Variants in DOCK9 observed in about 807,000 individuals in gnomAD.
The protein encoded by DOCK9 is dedicator of cytokinesis protein 9.
A neutral mutation model predicts 263.3 loss-of-function variants in DOCK9; 89 were observed. The observed-to-expected ratio is 0.34, with a 90% CI of 0.28 to 0.40. The LOEUF (loss-of-function observed/expected upper bound fraction) is 0.40. Among genes scored for constraint, DOCK9 ranks in the 10% least tolerant of loss-of-function variants. DOCK9 has a pLI of 1.00. For missense variants in DOCK9, 2,140 were observed against 2,603.4 expected (o/e 0.82, Z 3.87); for synonymous variants, 976 against 973.1 (o/e 1.00, Z -0.06).
chr13:98,877,660 C>T (rs1019888982), intron 27 of DOCK9, among the ~76,000 whole-genome samples: 20 of 152,304 alleles, frequency 1.3e-4, no homozygotes, highest in African/African-American at 4.8e-4. Flanking sequence ...CCAGATTCCC[C>T]ACACTACTGA....
intron 1 of DOCK9, among the ~76,000 whole-genome samples, chr13:99,002,938 G>T (rs1402539558): frequency 6.8e-6 from 1 of 147,452 alleles, no homozygotes; most frequent in African/African-American, 2.5e-5. Context: ...TCAGGGGGTT[G>T]TCATAAGGAT....
rs143836900 is a variant in DOCK9, at chr13:98,944,519, G to A, written c.243+10916C>T. On this transcript the variant is annotated intron_variant, in intron 2 of 52. Coordinates refer to ENST00000682017, the MANE Select transcript of DOCK9 (RefSeq NM_001366683.2). ...TAACTGTTTCAGCAGGAGGCATCATGGTTCCGCTGAGTTCTCTGGCTCCTG... is the reference window on the plus strand; with the variant it reads ...TAACTGTTTCAGCAGGAGGCATCATAGTTCCGCTGAGTTCTCTGGCTCCTG... Among the ~76,000 whole-genome samples, 120 of 152,240 alleles carry A rather than the reference G, an allele frequency of 7.9e-4. 1 individual carries two copies. The highest frequency in any genetic ancestry group is 2.8e-3 in the African/African-American group (115 of 41,536).
intron 1 of DOCK9, among the ~76,000 whole-genome samples, chr13:99,026,185 G>A (rs76086124): frequency 0.03 from 4,609 of 152,030 alleles, 94 homozygotes; most frequent in East Asian, 0.11. Flanking sequence ...AAGTAATAAA[G>A]ATGTTCTAAA....
At chr13:98,975,298 G>T (rs1340467191) in intron 1 of DOCK9, among the ~76,000 whole-genome samples, 26 of 151,622 alleles carry the variant, frequency 1.7e-4, no homozygotes, top group African/African-American at 5.6e-4. Flanking sequence ...GGAGACGGAG[G>T]TTGCAGTGGG....
intron 20 of DOCK9, 199 bp downstream of exon 20, chr13:98,885,509 G>A (rs2045552843): frequency 1.9e-6 from 1 of 523,180 alleles, no homozygotes; most frequent in Non-Finnish European, 3.2e-6. Context: ...GGAGGCTGAG[G>A]TGGAAGGACA....
intron 15 of DOCK9, among the ~76,000 whole-genome samples, chr13:98,889,495 A>T (rs2046299667): frequency 6.6e-6 from 1 of 152,226 alleles, no homozygotes; most frequent in Non-Finnish European, 1.5e-5. Context: ...AAGCTCACTG[A>T]AATTGTTGTA....
chr13:98,860,536 G>A lies in DOCK9; in HGVS notation c.3580-14C>T. 1 of 1,547,134 alleles carries A rather than the reference G, an allele frequency of 6.5e-7. No individual in the cohort carries two copies. Among genetic ancestry groups the A allele is most frequent in the East Asian group, 2.4e-5 (1 of 41,412 alleles). On this transcript the variant is annotated splice_polypyrimidine_tract_variant and intron_variant, in intron 32 of 52. Coordinates refer to ENST00000682017, the MANE Select transcript of DOCK9 (RefSeq NM_001366683.2). Reference sequence around the variant, plus strand: ...ATCCTTCACAGTCTGTCAAGGAGAGGAAAGCAGAAACAATCAAAGATGACT... The same window carrying A: ...ATCCTTCACAGTCTGTCAAGGAGAGAAAAGCAGAAACAATCAAAGATGACT...
intron 1 of DOCK9, among the ~76,000 whole-genome samples, chr13:98,992,982 T>C (rs557269049): frequency 6.6e-6 from 1 of 152,200 alleles, no homozygotes; most frequent in East Asian, 1.9e-4. Context: ...CATGGTGTGT[T>C]TGGGAAACAG....
chr13:98,968,585 A>C (rs2059424784), intron 1 of DOCK9, among the ~76,000 whole-genome samples: 1 of 152,212 alleles, frequency 6.6e-6, no homozygotes, highest in African/African-American at 2.4e-5. Context: ...ACTCCACTGC[A>C]CTGCAGCCTG....
At chr13:98,851,338 T>A (rs767496341) in intron 35 of DOCK9, among the ~76,000 whole-genome samples, 58 of 152,166 alleles carry the variant, frequency 3.8e-4, no homozygotes, top group African/African-American at 5.8e-4. Context: ...TGGGCTTCCA[T>A]CTTTAGGGGT....
chr13:98,888,130 G>C (rs528069047), intron 18 of DOCK9, 28 bp downstream of exon 18: 2 of 1,495,486 alleles, frequency 1.3e-6, no homozygotes, highest in South Asian at 1.2e-5. Flanking sequence ...AGAATTCGTA[G>C]GTGAACATAT....
intron 2 of DOCK9, among the ~76,000 whole-genome samples, chr13:98,932,612 C>T (rs184890100): frequency 1.3e-5 from 2 of 152,300 alleles, no homozygotes. Flanking sequence ...CCTTATCCCT[C>T]CAGCCTAGGT....
intron 45 of DOCK9, chr13:98,820,796 A>T: frequency 4.0e-6 from 1 of 250,832 alleles, no homozygotes; most frequent in Non-Finnish European, 7.9e-6. Context: ...TATTAATTTG[A>T]TCCCTTAACC....
intron 1 of DOCK9, among the ~76,000 whole-genome samples, chr13:98,993,318 A>G (rs993119179): frequency 6.6e-6 from 1 of 152,212 alleles, no homozygotes; most frequent in Non-Finnish European, 1.5e-5. Context: ...TTCTCTACCC[A>G]TATGTTGTTA....
chr13:98,935,346 C>A (rs1305580655), intron 2 of DOCK9, among the ~76,000 whole-genome samples: 1 of 152,114 alleles, frequency 6.6e-6, no homozygotes, highest in East Asian at 1.9e-4. Flanking sequence ...GGAAAAACTG[C>A]CTAGAATTCT....
At chr13:98,970,366 C>T (rs1340603908) in intron 1 of DOCK9, among the ~76,000 whole-genome samples, 1 of 152,114 alleles carries the variant, frequency 6.6e-6, no homozygotes, top group Non-Finnish European at 1.5e-5. Flanking sequence ...AAAGACAGAA[C>T]GTGGTAGTGG....
intron 45 of DOCK9, 85 bp downstream of exon 45, chr13:98,824,313 G>T: frequency 8.4e-7 from 1 of 1,191,322 alleles, no homozygotes; most frequent in Non-Finnish European, 1.2e-6. Flanking sequence ...GGAGGAAAAA[G>T]CCCTGGTCTG....
chr13:98,827,322 A>G lies in DOCK9; in HGVS notation c.4966-435T>C, dbSNP rs536365023. Among the ~76,000 whole-genome samples the G allele has an allele frequency of 2.6e-5, 4 of 152,374 alleles. No individual in the cohort carries two copies. The South Asian group carries it at 8.3e-4, about 32-fold the overall frequency. ...TTTTTCGCTTGACTTAAAAATTAAG[A>G]GCAAGTTATAATTTTTTCCAAATAT... On this transcript the variant is annotated intron_variant, in intron 43 of 52. Coordinates refer to ENST00000682017, the MANE Select transcript of DOCK9 (RefSeq NM_001366683.2).
intron 32 of DOCK9, 54 bp downstream of exon 32, chr13:98,862,965 C>T (rs2093917414): frequency 2.0e-6 from 3 of 1,493,496 alleles, no homozygotes; most frequent in Non-Finnish European, 2.7e-6. Flanking sequence ...GCGCTTTGTC[C>T]TGGCTTCCCC....
Sources: allele counts gnomAD v4.1 joint callset (sites outside exome capture counted in the v4.1 genomes callset), GRCh38; gene constraint gnomAD v4.1.1; transcripts MANE v1.5; gene names NCBI Gene and HGNC (gene_info 2026-07-23, HGNC 2026-07-21).